Variants in SAMD8 observed in about 807,000 individuals in gnomAD.
SAMD8 encodes sterile alpha motif domain containing 8.
SAMD8 carries 20 observed loss-of-function variants against 42.0 expected under a neutral mutation model. The observed-to-expected ratio is 0.48, with a 90% CI of 0.34 to 0.69. The LOEUF (loss-of-function observed/expected upper bound fraction) is 0.69, where lower values mean the gene tolerates loss of function less well. SAMD8 is among the 30% of genes least tolerant of loss of function. SAMD8 has a pLI of 0.01. For missense variants in SAMD8, 328 were observed against 511.6 expected (o/e 0.64, Z 3.46); for synonymous variants, 162 against 173.0 (o/e 0.94, Z 0.50).
chr10:75,108,130 A>G, upstream of SAMD8: 1 of 1,613,668 alleles, frequency 6.2e-7, no homozygotes, highest in South Asian at 1.1e-5. Context: ...CCGCCCTGAC[A>G]GTAGAGGCCC....
At chr10:75,128,716 G>A (rs755285609) in intron 1 of SAMD8, among the ~76,000 whole-genome samples, 12 of 152,162 alleles carry the variant, frequency 7.9e-5, no homozygotes, top group Non-Finnish European at 1.2e-4. Flanking sequence ...ATGGGTGGTC[G>A]GCAGGGGGTG....
At chr10:75,167,512 C>T (rs1840716259) in intron 3 of SAMD8, among the ~76,000 whole-genome samples, 1 of 152,200 alleles carries the variant, frequency 6.6e-6, no homozygotes, top group Admixed American at 6.5e-5. Flanking sequence ...AGACATGAGC[C>T]ACTGCACCTA....
intron 1 of SAMD8, among the ~76,000 whole-genome samples, chr10:75,147,051 G>A (rs924955382): frequency 2.6e-5 from 4 of 152,066 alleles, no homozygotes; most frequent in Non-Finnish European, 4.4e-5. Flanking sequence ...AGACTTCCAC[G>A]TATAACTTAT....
intron 2 of SAMD8, among the ~76,000 whole-genome samples, chr10:75,155,758 C>T (rs1840397844): frequency 6.6e-6 from 1 of 152,126 alleles, no homozygotes; most frequent in African/African-American, 2.4e-5. Context: ...AATGCTTACC[C>T]ATGGGAAGCT....
chr10:75,136,046 C>G (rs897030159), intron 1 of SAMD8, among the ~76,000 whole-genome samples: 2 of 152,074 alleles, frequency 1.3e-5, no homozygotes, highest in Non-Finnish European at 2.9e-5. Context: ...TTCTGCTGCA[C>G]TGAGTGCTAC....
At chr10:75,129,276 C>G (rs1849220166) in intron 1 of SAMD8, among the ~76,000 whole-genome samples, 1 of 152,006 alleles carries the variant, frequency 6.6e-6, no homozygotes, top group African/African-American at 2.4e-5. Context: ...GAGTCTTGCT[C>G]TGTCACCAGG....
chr10:75,114,538 T>C (rs1489098276), intron 1 of SAMD8, among the ~76,000 whole-genome samples: 1 of 152,238 alleles, frequency 6.6e-6, no homozygotes, highest in Admixed American at 6.5e-5. Flanking sequence ...TTCAAAACTT[T>C]GCTGTTACTG....
In SAMD8 at chr10:75,168,545, A is replaced by T; in HGVS notation, c.679A>T (p.Ile227Leu). 1.9e-6 allele frequency: 3 copies of T among 1,613,326 alleles called. No individual in the cohort carries two copies. Among genetic ancestry groups the T allele is most frequent in the Non-Finnish European group, 2.5e-6 (3 of 1,179,358 alleles). The change falls in exon 4 of 6, where the codon ATA becomes TTA. Residue 227 changes from isoleucine to leucine, a missense_variant. Ile to Leu is a conservative substitution (Grantham distance 5). Around this residue, in one of 2 missense-constraint regions of SAMD8, gnomAD observed 178 missense variants for 325.6 expected, o/e 0.55. Coordinates refer to ENST00000542569, the MANE Select transcript of SAMD8 (RefSeq NM_001174156.2). Reference sequence around the variant, plus strand: ...TTTTTGGTTGATCTGTTACAGGTCAATACTTCTGCGAAGGCTCTGTAGTCT... The same window carrying T: ...TTTTTGGTTGATCTGTTACAGGTCATTACTTCTGCGAAGGCTCTGTAGTCT... ...LVLLLHKHRS[I>L]LLRRLCSLMG...
intron 1 of SAMD8, among the ~76,000 whole-genome samples, chr10:75,133,929 C>T (rs11001302): frequency 0.25 from 37,932 of 152,052 alleles, 5,244 homozygotes; most frequent in East Asian, 0.58. Context: ...CATAGTATTC[C>T]GTGGTGTATA....
intron 1 of SAMD8, chr10:75,105,603 G>A: frequency 6.9e-7 from 1 of 1,456,658 alleles, no homozygotes; most frequent in Non-Finnish European, 9.4e-7. Flanking sequence ...CTGCAGCCTA[G>A]GCCCTCACCT....
At chr10:75,108,737 C>T (rs1041753065), upstream of SAMD8, among the ~76,000 whole-genome samples, 2 of 152,176 alleles carry the variant, frequency 1.3e-5, no homozygotes, top group African/African-American at 4.8e-5. Context: ...GGGCCTCTGC[C>T]TCTACACTTG....
rs557001267 is a variant in SAMD8, at chr10:75,166,198, C to G, written c.674+1458C>G. 2.0e-5 allele frequency among the ~76,000 whole-genome samples: 3 copies of G among 151,700 alleles called. No homozygotes were observed. The East Asian group carries it at 5.8e-4, about 29-fold the overall frequency. ...TCACAGGCAGTGTACCCAGAGTCAG[C>G]CAGGAAAAATTTTTTAATTAAAAAA... On this transcript the variant is annotated intron_variant, in intron 3 of 5. Coordinates refer to ENST00000542569, the MANE Select transcript of SAMD8 (RefSeq NM_001174156.2).
At chr10:75,118,488 A>G (rs1298099131) in intron 1 of SAMD8, among the ~76,000 whole-genome samples, 1 of 152,184 alleles carries the variant, frequency 6.6e-6, no homozygotes, top group Admixed American at 6.6e-5. Flanking sequence ...TACTAAAAAT[A>G]TAAAAATTAG....
intron 1 of SAMD8, among the ~76,000 whole-genome samples, chr10:75,101,349 T>C (rs1848145340): frequency 1.3e-5 from 2 of 152,308 alleles, no homozygotes; most frequent in South Asian, 2.1e-4. Flanking sequence ...CGTCTTACTA[T>C]TATTATCACT....
intron 2 of SAMD8, among the ~76,000 whole-genome samples, chr10:75,154,676 C>A (rs1328408701): frequency 4.0e-5 from 4 of 99,576 alleles, no homozygotes; most frequent in Admixed American, 1.1e-4. Flanking sequence ...TGAGAATACC[C>A]TGGGGTGTGG....
At chr10:75,146,299 T>C (rs944370979) in intron 1 of SAMD8, among the ~76,000 whole-genome samples, 1 of 111,176 alleles carries the variant, frequency 9.0e-6, no homozygotes, top group African/African-American at 3.4e-5. Flanking sequence ...TTTTTTTTTT[T>C]TGGAGACAGA....
intron 2 of SAMD8, among the ~76,000 whole-genome samples, chr10:75,156,091 T>C (rs1840404934): frequency 6.6e-6 from 1 of 152,032 alleles, no homozygotes; most frequent in Non-Finnish European, 1.5e-5. Context: ...ATGCCTGCAG[T>C]CCCAGCTACT....
chr10:75,107,858 T>C (rs1848610217), upstream of SAMD8: 5 of 1,120,644 alleles, frequency 4.5e-6, no homozygotes, highest in South Asian at 8.0e-5. Context: ...ATTACAAGCA[T>C]GAGCCACCAC....
intron 2 of SAMD8, among the ~76,000 whole-genome samples, chr10:75,163,160 C>G (rs867585517): frequency 6.6e-6 from 1 of 152,082 alleles, no homozygotes; most frequent in Admixed American, 6.5e-5. Context: ...CTCCTGACCT[C>G]GTGATCCACC....
Sources: gnomAD v4.1 joint callset for allele counts (sites outside exome capture counted in the v4.1 genomes callset) on GRCh38, gnomAD v4.1.1 for gene constraint, gnomAD v4.1.1 regional missense constraint, MANE v1.5 for transcripts, NCBI Gene and HGNC (gene_info 2026-07-23, HGNC 2026-07-21) for gene names.